ZDHHC14: variants seen among roughly 807,000 people sequenced by gnomAD.
The protein encoded by ZDHHC14 is palmitoyltransferase ZDHHC14.
A neutral mutation model predicts 47.7 loss-of-function variants in ZDHHC14; 16 were observed. That is an observed-to-expected ratio of 0.34 (90% CI 0.23 to 0.51). The LOEUF (loss-of-function observed/expected upper bound fraction) is 0.51. Among genes scored for constraint, ZDHHC14 ranks in the 20% least tolerant of loss-of-function variants. The pLI, the probability that ZDHHC14 is intolerant of heterozygous loss-of-function variation, is 0.97. For synonymous variants in ZDHHC14, 293 were observed against 278.9 expected (o/e 1.05, Z -0.50); for missense variants, 515 against 662.5 (o/e 0.78, Z 2.44).
chr6:157,505,810 G>A (rs930870813), intron 1 of ZDHHC14, among the ~76,000 whole-genome samples: 2 of 152,328 alleles, frequency 1.3e-5, no homozygotes, highest in South Asian at 4.2e-4. Context: ...TTTTGTTTCT[G>A]TAGTCATCAG....
At chr6:157,599,686 G>C (rs1184548358) in intron 3 of ZDHHC14, among the ~76,000 whole-genome samples, 2 of 152,192 alleles carry the variant, frequency 1.3e-5, no homozygotes, top group Non-Finnish European at 2.9e-5. Flanking sequence ...TCCATCTCCA[G>C]AAGGCAGAAA....
At chr6:157,669,294 G>A (rs992941497) in intron 8 of ZDHHC14, among the ~76,000 whole-genome samples, 2 of 151,886 alleles carry the variant, frequency 1.3e-5, no homozygotes, top group Non-Finnish European at 2.9e-5. Flanking sequence ...GCAGCTGATG[G>A]AGTAGTGCAA....
intron 1 of ZDHHC14, among the ~76,000 whole-genome samples, chr6:157,506,155 C>G (rs1780322175): frequency 6.6e-6 from 1 of 152,208 alleles, no homozygotes. Context: ...TTTCTGGTGT[C>G]ATTTGTGTGA....
At chr6:157,659,931 G>A (rs374615887) in intron 8 of ZDHHC14, among the ~76,000 whole-genome samples, 2 of 152,278 alleles carry the variant, frequency 1.3e-5, no homozygotes, top group East Asian at 3.9e-4. Flanking sequence ...TTCTAAGAAC[G>A]GCACCAAGTT....
intron 1 of ZDHHC14, among the ~76,000 whole-genome samples, chr6:157,465,151 G>C (rs1168050878): frequency 1.6e-5 from 2 of 127,250 alleles, no homozygotes; most frequent in Non-Finnish European, 3.2e-5. Flanking sequence ...TTGTTTATTG[G>C]GTTGAACCAA....
At chr6:157,421,332 TA>T (rs915253412) in intron 1 of ZDHHC14, among the ~76,000 whole-genome samples, 3 of 148,096 alleles carry the variant, frequency 2.0e-5, no homozygotes, top group Middle Eastern at 3.5e-3. Flanking sequence ...CTAAAAATAT[TA>T]AAAAAAAAAT....
intron 2 of ZDHHC14, among the ~76,000 whole-genome samples, chr6:157,589,972 G>A (rs187272088): frequency 1.3e-4 from 20 of 152,282 alleles, no homozygotes; most frequent in Non-Finnish European, 2.2e-4. Flanking sequence ...GGTCTCAGAC[G>A]GAGATGAGAA....
chr6:157,532,078 C>T (rs552702118), intron 1 of ZDHHC14, among the ~76,000 whole-genome samples: 14 of 152,286 alleles, frequency 9.2e-5, no homozygotes, highest in African/African-American at 2.6e-4. Context: ...GGGAAGGAGC[C>T]GCTGGGGGAG....
intron 4 of ZDHHC14, among the ~76,000 whole-genome samples, chr6:157,628,846 A>G (rs1318826324): frequency 3.9e-5 from 6 of 152,132 alleles, no homozygotes; most frequent in Non-Finnish European, 8.8e-5. Context: ...ACTCATCCCC[A>G]CATTTTGCAC....
intron 4 of ZDHHC14, chr6:157,629,879 C>T (rs947528241): frequency 6.6e-6 from 1 of 152,190 alleles, no homozygotes; most frequent in Non-Finnish European, 1.5e-5. Context: ...GAGAGAATGA[C>T]TAGGGCATTA....
intron 1 of ZDHHC14, among the ~76,000 whole-genome samples, chr6:157,537,792 AG>A (rs1781595194): frequency 6.6e-6 from 1 of 152,130 alleles, no homozygotes; most frequent in Non-Finnish European, 1.5e-5. Context: ...AATATGGAGG[AG>A]CCATTTTCAA....
intron 1 of ZDHHC14, among the ~76,000 whole-genome samples, chr6:157,437,064 G>T (rs1778454564): frequency 6.6e-6 from 1 of 152,210 alleles, no homozygotes; most frequent in South Asian, 2.1e-4. Context: ...GGTGACAACA[G>T]CTGGGCCTGC....
At chr6:157,565,465 C>A (rs902858670) in intron 2 of ZDHHC14, among the ~76,000 whole-genome samples, 33 of 152,142 alleles carry the variant, frequency 2.2e-4, no homozygotes, top group African/African-American at 8.0e-4. Context: ...TAGTGTTATT[C>A]AGATTCAGTC....
At chr6:157,651,956 G>A (rs1028230186) in intron 7 of ZDHHC14, among the ~76,000 whole-genome samples, 3 of 152,150 alleles carry the variant, frequency 2.0e-5, no homozygotes, top group African/African-American at 7.2e-5. Flanking sequence ...CCCATCCCTG[G>A]CTGTCACCCG....
chr6:157,656,976 C>T (rs139281471), intron 8 of ZDHHC14, among the ~76,000 whole-genome samples: 1 of 152,262 alleles, frequency 6.6e-6, no homozygotes, highest in Non-Finnish European at 1.5e-5. Flanking sequence ...GCACTCTCTG[C>T]CATGCATACC....
At chr6:157,481,638 C>A (rs541575352) in intron 1 of ZDHHC14, among the ~76,000 whole-genome samples, 8 of 152,336 alleles carry the variant, frequency 5.3e-5, no homozygotes, top group Non-Finnish European at 2.9e-5. Context: ...ACCACTTCCA[C>A]CTGTAGAAAT....
intron 4 of ZDHHC14, 155 bp from the exon 5 acceptor site, chr6:157,632,679 C>T: frequency 1.3e-6 from 1 of 752,444 alleles, no homozygotes. Flanking sequence ...TTAGTGGCAT[C>T]TCAATCTCTG....
intron 3 of ZDHHC14, among the ~76,000 whole-genome samples, chr6:157,607,393 A>G (rs561513807): frequency 6.6e-6 from 1 of 152,134 alleles, no homozygotes; most frequent in Non-Finnish European, 1.5e-5. Flanking sequence ...CTCTTTTTTT[A>G]AAACAAACAA....
At position 157,463,070 on chromosome 6, in the gene ZDHHC14, G is replaced by C. The variant is rs966178045; in HGVS notation, c.246-79515G>C. 2.6e-5 allele frequency among the ~76,000 whole-genome samples: 4 copies of C among 152,198 alleles called. No homozygotes were observed. The highest frequency in any genetic ancestry group is 6.5e-5 in the Admixed American group (1 of 15,280). ...TTCTTATGTCGGCTGAGTTCAAGTA[G>C]GTAGGTGCATGTTATATAGAAAGTT... is the stretch of plus-strand genomic sequence containing the variant. On this transcript the variant is annotated intron_variant, in intron 1 of 8. Transcript: ENST00000359775. This position sits in a 1 kb window ranked among gnomAD's most constrained non-coding sequence, Gnocchi z 4.4.
Sources: allele counts gnomAD v4.1 joint callset (sites outside exome capture counted in the v4.1 genomes callset), GRCh38; gene constraint gnomAD v4.1.1; non-coding constraint Gnocchi (gnomAD v3.1); transcripts MANE v1.5; gene names NCBI Gene and HGNC (gene_info 2026-07-23, HGNC 2026-07-21).